TMEM135: variants seen among roughly 807,000 people sequenced by gnomAD.
TMEM135 encodes the protein transmembrane protein 135.
TMEM135 carries 30 observed loss-of-function variants against 60.3 expected under a neutral mutation model. The ratio of observed to expected loss-of-function variants is 0.50; its 90% CI spans 0.37 to 0.68. The LOEUF (loss-of-function observed/expected upper bound fraction) is 0.68. Among genes scored for constraint, TMEM135 ranks in the 30% least tolerant of loss-of-function variants. The pLI, the probability that TMEM135 is intolerant of heterozygous loss-of-function variation, is 0.00. For missense variants in TMEM135, 468 were observed against 548.8 expected (o/e 0.85, Z 1.47); for synonymous variants, 190 against 186.7 (o/e 1.02, Z -0.14).
At position 87,165,353 on chromosome 11, in the gene TMEM135, C is replaced by T. The variant is rs973449803; in HGVS notation, c.462+7947C>T. Among the ~76,000 whole-genome samples, 6 of 123,788 alleles carry T rather than the reference C, an allele frequency of 4.8e-5. No individual in the cohort carries two copies. The East Asian group carries it at 1.3e-3, about 26-fold the overall frequency. The allele number at this position is 123,788 out of a possible 152,430, so 81.2% of individuals were successfully genotyped here. A position where few individuals can be genotyped will look rare whatever the true frequency, so the allele number is the denominator to read the frequency against. On this transcript the variant is annotated intron_variant, in intron 5 of 14. Coordinates refer to ENST00000305494, the MANE Select transcript of TMEM135 (RefSeq NM_022918.4). ...ATGCTGGATTACATTTATTGATTTG[C>T]GTATATTGAACCAGCCTTGCATCTC...
At chr11:87,233,236 A>G (rs947619703) in intron 5 of TMEM135, among the ~76,000 whole-genome samples, 7 of 152,110 alleles carry the variant, frequency 4.6e-5, no homozygotes, top group African/African-American at 1.7e-4. Flanking sequence ...CAAGTAGAGA[A>G]ATAAATAGCA....
At chr11:87,060,978 A>G (rs528919241) in intron 1 of TMEM135, among the ~76,000 whole-genome samples, 1 of 152,234 alleles carries the variant, frequency 6.6e-6, no homozygotes, top group East Asian at 1.9e-4. Context: ...TGATAATAAA[A>G]TCATGCCCAT....
chr11:87,100,504 TC>T (rs1857433767), intron 4 of TMEM135, among the ~76,000 whole-genome samples: 1 of 152,222 alleles, frequency 6.6e-6, no homozygotes, highest in African/African-American at 2.4e-5. Flanking sequence ...GCTTATAACA[TC>T]CAACAATAAA....
chr11:87,258,775 A>C (rs1941583754), intron 6 of TMEM135: 3 of 496,772 alleles, frequency 6.0e-6, no homozygotes, highest in Non-Finnish European at 1.1e-5. Flanking sequence ...AAAAAATCCA[A>C]ATAATCAGCA....
At chr11:87,109,110 G>A (rs1224920751) in intron 4 of TMEM135, among the ~76,000 whole-genome samples, 2 of 152,154 alleles carry the variant, frequency 1.3e-5, no homozygotes, top group East Asian at 1.9e-4. Context: ...GGTGATAGAT[G>A]TGTTAACTAT....
chr11:87,042,072 TG>T (rs1949754569), intron 1 of TMEM135, among the ~76,000 whole-genome samples: 1 of 152,258 alleles, frequency 6.6e-6, no homozygotes, highest in Non-Finnish European at 1.5e-5. Context: ...AGAAAGGGCA[TG>T]TACCAATTTA....
At chr11:87,302,231 C>CT (rs377223796) in intron 7 of TMEM135, 65 bp from the exon 8 acceptor site, 66,423 of 1,276,934 alleles carry the variant, frequency 0.052, 466 homozygotes, top group Admixed American at 0.057. Flanking sequence ...TAAACAAAGT[C>CT]TTTTTTTTTT....
intron 5 of TMEM135, among the ~76,000 whole-genome samples, chr11:87,230,054 T>C (rs1042450190): frequency 2.0e-5 from 3 of 152,054 alleles, no homozygotes; most frequent in African/African-American, 4.8e-5. Context: ...AACCTTTTCA[T>C]TTCCCCCAAA....
At chr11:87,135,120 A>G (rs376749097) in intron 4 of TMEM135, among the ~76,000 whole-genome samples, 1 of 152,250 alleles carries the variant, frequency 6.6e-6, no homozygotes, top group African/African-American at 2.4e-5. Context: ...AGCTCTTTAT[A>G]TATTCTGGAT....
intron 4 of TMEM135, among the ~76,000 whole-genome samples, chr11:87,147,602 C>T (rs1938450715): frequency 6.6e-6 from 1 of 152,188 alleles, no homozygotes; most frequent in Non-Finnish European, 1.5e-5. Context: ...CTGCTGTTAT[C>T]ACCTCAGCAT....
At chr11:87,102,964 C>G (rs1857497979) in intron 4 of TMEM135, among the ~76,000 whole-genome samples, 1 of 151,964 alleles carries the variant, frequency 6.6e-6, no homozygotes, top group African/African-American at 2.4e-5. Context: ...TGTTAACTGC[C>G]ATTCTACTCT....
At position 87,218,129 on chromosome 11, in the gene TMEM135, C is replaced by T. The variant is rs527252159; in HGVS notation, c.463-18509C>T. Among the ~76,000 whole-genome samples, 8 of 152,044 alleles carry T rather than the reference C, an allele frequency of 5.3e-5. No homozygotes were observed. In the South Asian group the frequency reaches 8.3e-4, roughly 16 times the overall value. ...GGGGTGCTGTCTAGGTAAAGGCCAG[C>T]GATGCTACTAAACATCCTATAATAC... On this transcript the variant is annotated intron_variant, in intron 5 of 14. Transcript: ENST00000305494.
intron 6 of TMEM135, among the ~76,000 whole-genome samples, chr11:87,253,110 A>G (rs1941452596): frequency 1.2e-5 from 1 of 86,070 alleles, no homozygotes; most frequent in Admixed American, 1.0e-4. Flanking sequence ...GACTTTCTTT[A>G]TTGGTAGAAA....
intron 6 of TMEM135, among the ~76,000 whole-genome samples, chr11:87,253,508 C>T (rs1362211918): frequency 6.6e-6 from 1 of 151,818 alleles, no homozygotes; most frequent in Non-Finnish European, 1.5e-5. Context: ...GGAAAACTCA[C>T]ACCACTAATA....
At chr11:87,283,869 AAAG>A (rs1942114243) in intron 6 of TMEM135, among the ~76,000 whole-genome samples, 1 of 152,218 alleles carries the variant, frequency 6.6e-6, no homozygotes, top group Non-Finnish European at 1.5e-5. Context: ...AAAAATAAAA[AAAG>A]AAAAGAAATT....
chr11:87,257,589 A>G (rs1941553962), intron 6 of TMEM135, among the ~76,000 whole-genome samples: 2 of 152,184 alleles, frequency 1.3e-5, no homozygotes, highest in African/African-American at 4.8e-5. Context: ...TAAGCACTCA[A>G]TAAATGTTAG....
intron 9 of TMEM135, among the ~76,000 whole-genome samples, chr11:87,307,380 C>CA (rs5793247): frequency 0.52 from 71,939 of 137,800 alleles, 18,148 homozygotes; most frequent in Middle Eastern, 0.59. Context: ...TTAAAGTGGC[C>CA]AAAAAAAAAA....
intron 5 of TMEM135, among the ~76,000 whole-genome samples, chr11:87,205,210 T>C (rs1035005210): frequency 1.3e-5 from 2 of 152,164 alleles, no homozygotes; most frequent in Non-Finnish European, 2.9e-5. Context: ...TGAAGATGGC[T>C]CTAAATAAGA....
intron 6 of TMEM135, among the ~76,000 whole-genome samples, chr11:87,259,752 G>C (rs7102378): frequency 0.35 from 53,740 of 152,080 alleles, 10,046 homozygotes; most frequent in Non-Finnish European, 0.42. Flanking sequence ...CACTGAGCCA[G>C]GAAAATGTTT....
Sources: gnomAD v4.1 joint callset for allele counts (sites outside exome capture counted in the v4.1 genomes callset) on GRCh38, gnomAD v4.1.1 for gene constraint, MANE v1.5 for transcripts, NCBI Gene and HGNC (gene_info 2026-07-23, HGNC 2026-07-21) for gene names.